The following PDE8B variants were observed in gnomAD, a reference collection of about 807,000 sequenced individuals.
The protein encoded by PDE8B is phosphodiesterase 8B.
In PDE8B, 26 loss-of-function variants were observed where a neutral mutation model predicts 101.3. The ratio of observed to expected loss-of-function variants is 0.26; its 90% CI spans 0.19 to 0.36. PDE8B has a LOEUF of 0.36. Among genes scored for constraint, PDE8B ranks in the 10% least tolerant of loss-of-function variants. PDE8B has a pLI of 1.00. For missense variants in PDE8B, 810 were observed against 1,163.1 expected, an observed-to-expected ratio of 0.70 and a Z score of 4.42; for synonymous variants, 424 against 429.3, an observed-to-expected ratio of 0.99 and a Z score of 0.15.
intron 12 of PDE8B, among the ~76,000 whole-genome samples, chr5:77,405,602 G>T (rs769797062): frequency 6.6e-6 from 1 of 152,096 alleles, no homozygotes; most frequent in Non-Finnish European, 1.5e-5. Context: ...AAAGGACAGA[G>T]GGTCCAAGCC....
chr5:77,359,870 G>A (rs1031514040), intron 10 of PDE8B, among the ~76,000 whole-genome samples: 1 of 152,172 alleles, frequency 6.6e-6, no homozygotes, highest in African/African-American at 2.4e-5. Context: ...GGCCAAGGCA[G>A]GCAGATCACG....
At chr5:77,383,981 T>C (rs1322207811) in intron 10 of PDE8B, among the ~76,000 whole-genome samples, 1 of 152,172 alleles carries the variant, frequency 6.6e-6, no homozygotes, top group East Asian at 1.9e-4. Flanking sequence ...TTTGGTTCCA[T>C]TTGAAATTTA....
chr5:77,153,243 A>G, the PDE8B span, among the ~76,000 whole-genome samples: 1 of 152,248 alleles, frequency 6.6e-6, no homozygotes, highest in African/African-American at 2.4e-5. Context: ...AGAATTATAA[A>G]AGGCAATTTA....
intron 1 of PDE8B, among the ~76,000 whole-genome samples, chr5:77,287,607 C>T (rs542832552): frequency 3.0e-4 from 45 of 152,148 alleles, no homozygotes; most frequent in Non-Finnish European, 5.9e-4. Context: ...CACCTTTTCT[C>T]TGTGTCCTGG....
chr5:77,139,262 C>A, the PDE8B span: 3 of 152,260 alleles, frequency 2.0e-5, no homozygotes. Context: ...TCTTGCTAGG[C>A]CAGCAGGAGC....
the PDE8B span, chr5:77,139,318 G>A: frequency 1.3e-5 from 2 of 152,270 alleles, no homozygotes; most frequent in African/African-American, 4.8e-5. Flanking sequence ...CTACCAATGT[G>A]TGAGTAAACC....
chr5:77,296,601 G>C (rs1435111140), intron 1 of PDE8B, among the ~76,000 whole-genome samples: 1 of 152,164 alleles, frequency 6.6e-6, no homozygotes, highest in Non-Finnish European at 1.5e-5. Context: ...GAAGGAGAAA[G>C]GAAGGAATGG....
chr5:77,208,956 T>G (rs765136250), upstream of PDE8B, among the ~76,000 whole-genome samples: 3 of 152,152 alleles, frequency 2.0e-5, no homozygotes, highest in Admixed American at 6.5e-5. Flanking sequence ...AATTTCTCCC[T>G]CTGCTCAAGC....
At chr5:77,193,490 C>T in the PDE8B span, among the ~76,000 whole-genome samples, 4 of 152,114 alleles carry the variant, frequency 2.6e-5, no homozygotes, top group African/African-American at 4.8e-5. Flanking sequence ...ACCCTATATG[C>T]GTGGGTCTGT....
chr5:77,282,631 G>GCCTGCAGCGGCTGGACT (rs1323885269), intron 1 of PDE8B, among the ~76,000 whole-genome samples: 2 of 152,044 alleles, frequency 1.3e-5, no homozygotes, highest in Admixed American at 6.5e-5. Flanking sequence ...CGGAGGCAGT[G>GCCTGCAGCGGCTGGACT]CCTGCAGCGG....
At chr5:77,230,320 G>A (rs1753310272) in intron 1 of PDE8B, among the ~76,000 whole-genome samples, 1 of 152,122 alleles carries the variant, frequency 6.6e-6, no homozygotes, top group African/African-American at 2.4e-5. Flanking sequence ...AATTTACACT[G>A]CACCTTTTTA....
chr5:77,312,820 AC>A (rs35812799), intron 2 of PDE8B, among the ~76,000 whole-genome samples: 29,071 of 152,112 alleles, frequency 0.19, 3,356 homozygotes, highest in Middle Eastern at 0.29. Flanking sequence ...ATGCTCCCCT[AC>A]ATCTTCTATG....
intron 1 of PDE8B, among the ~76,000 whole-genome samples, chr5:77,222,736 A>C (rs914197633): frequency 6.6e-6 from 1 of 152,060 alleles, no homozygotes; most frequent in Non-Finnish European, 1.5e-5. Flanking sequence ...CAGGTGAGAC[A>C]CTCCTACTGG....
intron 10 of PDE8B, among the ~76,000 whole-genome samples, chr5:77,355,677 C>T (rs1781970928): frequency 6.6e-6 from 1 of 152,224 alleles, no homozygotes; most frequent in African/African-American, 2.4e-5. Flanking sequence ...CACACACTTT[C>T]TCCCCAAATA....
intron 10 of PDE8B, among the ~76,000 whole-genome samples, chr5:77,354,417 C>T (rs188014547): frequency 1.6e-3 from 236 of 152,244 alleles, no homozygotes; most frequent in Non-Finnish European, 2.6e-3. Flanking sequence ...ACCATGAAGT[C>T]ATGCAAGAGG....
chr5:77,349,697 T>C, intron 8 of PDE8B, 138 bp downstream of exon 8: 2 of 998,722 alleles, frequency 2.0e-6, no homozygotes, highest in Non-Finnish European at 1.5e-6. Flanking sequence ...GTTTGCAAAA[T>C]GAGTTCGTTT....
chr5:77,290,934 A>T, intron 1 of PDE8B: 1 of 1,610,120 alleles, frequency 6.2e-7, no homozygotes, highest in Non-Finnish European at 8.5e-7. Flanking sequence ...TTGTTCCTTG[A>T]CTTGTGGTGG....
At chr5:77,261,272 T>C (rs918272060) in intron 1 of PDE8B, among the ~76,000 whole-genome samples, 1 of 152,150 alleles carries the variant, frequency 6.6e-6, no homozygotes, top group African/African-American at 2.4e-5. Context: ...GTGAGGAATG[T>C]CACCTCCACA....
the PDE8B span, among the ~76,000 whole-genome samples, chr5:77,097,695 A>ATATATATCTATC: frequency 4.5e-5 from 1 of 22,188 alleles, no homozygotes; most frequent in African/African-American, 1.4e-4. Flanking sequence ...TTATATATCT[A>ATATATATCTATC]TATATATATA....
Sources: gnomAD v4.1 joint callset for allele counts (sites outside exome capture counted in the v4.1 genomes callset) on GRCh38, gnomAD v4.1.1 for gene constraint, MANE v1.5 for transcripts, NCBI Gene and HGNC (gene_info 2026-07-23, HGNC 2026-07-21) for gene names.